Variants in ARHGAP22 observed in about 807,000 individuals in gnomAD.
ARHGAP22 encodes Rho GTPase activating protein 22.
Under a neutral mutation model 59.1 loss-of-function variants are expected in ARHGAP22, and 48 were observed. The ratio of observed to expected loss-of-function variants is 0.81; its 90% confidence interval spans 0.64 to 1.03. The LOEUF (loss-of-function observed/expected upper bound fraction) is 1.03. Among genes scored for constraint, ARHGAP22 ranks in the 50% least tolerant of loss-of-function variants. The pLI, the probability that ARHGAP22 is intolerant of heterozygous loss-of-function variation, is 0.00. For synonymous variants in ARHGAP22, 445 were observed against 416.4 expected (o/e 1.07, Z -0.84); for missense variants, 1,015 against 958.7 (o/e 1.06, Z -0.78).
intron 3 of ARHGAP22, among the ~76,000 whole-genome samples, chr10:48,488,801 C>A (rs2377354): frequency 0.57 from 87,155 of 152,126 alleles, 29,519 homozygotes; most frequent in Non-Finnish European, 0.75. Flanking sequence ...GTGACGAGTG[C>A]ATGGCTCAAT....
In ARHGAP22 at chr10:48,604,870, C is replaced by T. The variant is rs2060596131; in HGVS notation, c.-74G>A. ...CCACTTGCTTTTGCTCGTCCTCGCG[C>T]CTAGTCGCCCCTCATGTCCTGCTCG... On this transcript the variant is annotated 5_prime_UTR_variant, in exon 1 of 10. Coordinates refer to ENST00000249601, the MANE Select transcript of ARHGAP22 (RefSeq NM_021226.4). The T allele has an allele frequency of 1.2e-6, 2 of 1,610,726 alleles. No individual in the cohort carries two copies. Among genetic ancestry groups the T allele is most frequent in the African/African-American group, 1.3e-5 (1 of 74,944 alleles).
In ARHGAP22 at chr10:48,451,033, A is replaced by G. The variant is rs749011370; in HGVS notation, c.1096T>C (p.Cys366Arg). 6.4e-7 allele frequency: 1 copy of G among 1,553,554 alleles called. No individual in the cohort carries two copies. The highest frequency in any genetic ancestry group is 8.7e-7 in the Non-Finnish European group (1 of 1,148,744). ...TCCTCGGAGCCCCACCCCACTGCGC[A>G]TTGCAGGCCCCCGCGCGGGGAGGTG... ...GPTSPRGGLQCAVGWGSEEVT... is the reference protein window; with the variant it reads ...GPTSPRGGLQRAVGWGSEEVT... The change falls in exon 9 of 10, where the codon TGC becomes CGC. Residue 366 changes from cysteine (C) to arginine (R), a missense_variant. Cys to Arg is a radical substitution (Grantham distance 180). Transcript: ENST00000249601.
Position 48,453,488 on chromosome 10 carries a change from C to T in ARHGAP22, c.867-63G>A, listed in dbSNP as rs76626232. On this transcript the variant is annotated intron_variant, in intron 7 of 9. Coordinates refer to ENST00000249601, the MANE Select transcript of ARHGAP22 (RefSeq NM_021226.4). ...GTTGTGATGCCCAGTCTCCTGTGTGCGGCCTGGACGCACCGCCACACCCCT... is the reference window on the plus strand; with the variant it reads ...GTTGTGATGCCCAGTCTCCTGTGTGTGGCCTGGACGCACCGCCACACCCCT... The T allele has an allele frequency of 6.5e-4, 1,040 of 1,601,990 alleles. 22 individuals are homozygous for T. The East Asian group carries it at 0.015, about 23-fold the overall frequency.
intron 4 of ARHGAP22, among the ~76,000 whole-genome samples, chr10:48,471,536 G>A (rs760803302): frequency 3.9e-5 from 6 of 152,134 alleles, no homozygotes; most frequent in Non-Finnish European, 7.3e-5. Context: ...AAACCTAAAC[G>A]TGTCCAAACA....
At chr10:48,464,116 C>A (rs2047418493) in intron 4 of ARHGAP22, among the ~76,000 whole-genome samples, 2 of 152,178 alleles carry the variant, frequency 1.3e-5, no homozygotes, top group African/African-American at 4.8e-5. Flanking sequence ...TGGCCCCACT[C>A]TAGGAATTAG....
the ARHGAP22 span, among the ~76,000 whole-genome samples, chr10:48,434,510 C>CA: frequency 2.6e-5 from 4 of 151,850 alleles, no homozygotes; most frequent in Non-Finnish European, 5.9e-5. Context: ...ATCCTCTGTC[C>CA]AAAAAAAGGC....
In ARHGAP22 at chr10:48,568,513, A is replaced by G. The variant is rs540104525; in HGVS notation, c.235-12963T>C. 3.3e-5 allele frequency among the ~76,000 whole-genome samples: 5 copies of G among 152,338 alleles called. 1 individual carries two copies. Among genetic ancestry groups the G allele is most frequent in the African/African-American group, 1.2e-4 (5 of 41,580 alleles). On this transcript the variant is annotated intron_variant, in intron 2 of 9. Coordinates refer to ENST00000249601, the MANE Select transcript of ARHGAP22 (RefSeq NM_021226.4). ...ACGGCATTTGGTGGCTGCATAAGAC[A>G]CTGCAGTTGAGACAGGTATGTTCAC...
At chr10:48,494,214 C>T (rs1032883548) in intron 3 of ARHGAP22, among the ~76,000 whole-genome samples, 11 of 152,196 alleles carry the variant, frequency 7.2e-5, no homozygotes, top group Admixed American at 2.6e-4. Context: ...CTTTCAGTGG[C>T]CCAGGGTCAC....
At chr10:48,454,446 C>T (rs1342408744) in intron 6 of ARHGAP22, among the ~76,000 whole-genome samples, 1 of 152,160 alleles carries the variant, frequency 6.6e-6, no homozygotes, top group Non-Finnish European at 1.5e-5. Flanking sequence ...TATCAAGACA[C>T]AAATATTTGC....
chr10:48,561,378 C>G (rs1006096227), intron 2 of ARHGAP22, among the ~76,000 whole-genome samples: 10 of 152,216 alleles, frequency 6.6e-5, no homozygotes, highest in Admixed American at 2.6e-4. Context: ...TATACCTAAA[C>G]ACAAAATCTG....
At chr10:48,472,387 G>A (rs938815210) in intron 4 of ARHGAP22, among the ~76,000 whole-genome samples, 2 of 151,926 alleles carry the variant, frequency 1.3e-5, no homozygotes, top group Non-Finnish European at 2.9e-5. Context: ...AGCCGGGTAT[G>A]GTGGTACGTG....
chr10:48,594,939 T>C (rs1404260965), intron 1 of ARHGAP22, among the ~76,000 whole-genome samples: 1 of 149,742 alleles, frequency 6.7e-6, no homozygotes, highest in Non-Finnish European at 1.5e-5. Context: ...TTACTGCATG[T>C]GAATCCTTAT....
At chr10:48,560,214 C>T (rs2135382026) in intron 2 of ARHGAP22, among the ~76,000 whole-genome samples, 1 of 152,222 alleles carries the variant, frequency 6.6e-6, no homozygotes, top group South Asian at 2.1e-4. Flanking sequence ...TTAGAATCAG[C>T]TAGTCAATTT....
chr10:48,540,305 C>T (rs1564843321), intron 3 of ARHGAP22, among the ~76,000 whole-genome samples: 1 of 152,216 alleles, frequency 6.6e-6, no homozygotes, highest in Non-Finnish European at 1.5e-5. Context: ...GGCACAATCT[C>T]GGCTCATCAC....
intron 1 of ARHGAP22, among the ~76,000 whole-genome samples, chr10:48,636,575 G>T (rs2061827747): frequency 6.6e-6 from 1 of 152,214 alleles, no homozygotes; most frequent in South Asian, 2.1e-4. Context: ...CTGCACCACA[G>T]CCCTGCCCTT....
chr10:48,577,150 C>A (rs1220348632), intron 2 of ARHGAP22, among the ~76,000 whole-genome samples: 1 of 152,090 alleles, frequency 6.6e-6, no homozygotes, highest in East Asian at 1.9e-4. Flanking sequence ...TTTCATCCAA[C>A]CCTTCTTTGG....
At chr10:48,545,007 G>T (rs993604138) in intron 3 of ARHGAP22, among the ~76,000 whole-genome samples, 15 of 152,200 alleles carry the variant, frequency 9.9e-5, no homozygotes, top group Non-Finnish European at 1.6e-4. Context: ...AAGCAAAAAA[G>T]AATGTGGAAT....
intron 1 of ARHGAP22, among the ~76,000 whole-genome samples, chr10:48,587,108 C>T (rs887677011): frequency 4.6e-5 from 7 of 152,200 alleles, no homozygotes; most frequent in Admixed American, 1.3e-4. Flanking sequence ...AAGGGTGAGC[C>T]GAGCCTCTGA....
intron 9 of ARHGAP22, 64 bp from the exon 10 acceptor site, chr10:48,446,683 T>C: frequency 2.7e-6 from 4 of 1,486,862 alleles, no homozygotes; most frequent in South Asian, 1.2e-5. Context: ...CCCATGGGTA[T>C]ACCATGCTTG....
Sources: gnomAD v4.1 joint callset for allele counts (sites outside exome capture counted in the v4.1 genomes callset) on GRCh38, gnomAD v4.1.1 for gene constraint, MANE v1.5 for transcripts, NCBI Gene and HGNC (gene_info 2026-07-23, HGNC 2026-07-21) for gene names.